Variants in CLASP2 observed in about 807,000 individuals in gnomAD.
The protein encoded by CLASP2 is cytoplasmic linker associated protein 2.
In CLASP2, 47 loss-of-function variants were observed where a neutral mutation model predicts 194.4. The observed-to-expected ratio is 0.24, with a 90% confidence interval of 0.19 to 0.31. The LOEUF (loss-of-function observed/expected upper bound fraction) is 0.31. CLASP2 is among the 10% of genes least tolerant of loss of function. The pLI is 1.00. For synonymous variants in CLASP2, 619 were observed against 633.5 expected (o/e 0.98, Z 0.34); for missense variants, 1,445 against 1,823.6 (o/e 0.79, Z 3.78).
chr3:33,581,276 C>A (rs1266529426), intron 23 of CLASP2, among the ~76,000 whole-genome samples: 1 of 152,056 alleles, frequency 6.6e-6, no homozygotes, highest in Admixed American at 6.5e-5. Context: ...TGGGGACAAA[C>A]AAGTTTTACC....
intron 34 of CLASP2, among the ~76,000 whole-genome samples, chr3:33,522,113 T>C (rs2053288569): frequency 6.6e-6 from 1 of 152,200 alleles, no homozygotes; most frequent in Non-Finnish European, 1.5e-5. Context: ...CAGCCATTAT[T>C]GTTGCACCTT....
intron 27 of CLASP2, among the ~76,000 whole-genome samples, chr3:33,565,672 C>T (rs945591134): frequency 1.3e-5 from 2 of 151,792 alleles, no homozygotes; most frequent in Admixed American, 6.6e-5. Flanking sequence ...TTTAGCTGGG[C>T]GTGGTGGCAC....
chr3:33,703,118 A>G (rs1393027742), intron 1 of CLASP2, among the ~76,000 whole-genome samples: 1 of 152,216 alleles, frequency 6.6e-6, no homozygotes, highest in African/African-American at 2.4e-5. Flanking sequence ...GGGCTTCACT[A>G]AAATTAAAAA....
At chr3:33,575,469 A>G (rs1344572974) in intron 24 of CLASP2, among the ~76,000 whole-genome samples, 1 of 152,156 alleles carries the variant, frequency 6.6e-6, no homozygotes, top group Non-Finnish European at 1.5e-5. Flanking sequence ...AGCTGAGTAA[A>G]TGTTTCTCAA....
rs999075771 is a variant in CLASP2, at chr3:33,607,319, T to G, written c.1526+65A>C. ...TACTTGGACACTTCTGATATTTTCA[T>G]TCTCCTAATACATTTTTTTTTAAAA... On this transcript the variant is annotated intron_variant, in intron 15 of 38. Coordinates refer to ENST00000682230, the MANE Select transcript of CLASP2 (RefSeq NM_001365631.1). 126 of 1,091,710 alleles carry G rather than the reference T, an allele frequency of 1.2e-4. No homozygotes were observed. In the Middle Eastern group the frequency reaches 1.3e-3, roughly 11 times the overall value. The allele number at this position is 1,091,710 out of a possible 1,614,324, so 67.6% of individuals were successfully genotyped here.
At chr3:33,689,752 T>A (rs980310680) in intron 3 of CLASP2, 77 bp downstream of exon 3, 1 of 867,012 alleles carries the variant, frequency 1.2e-6, no homozygotes, top group South Asian at 2.3e-5. Flanking sequence ...AAAATTTCAG[T>A]GTTCATGCTT....
At chr3:33,500,365 C>G (rs751366724) in intron 38 of CLASP2, among the ~76,000 whole-genome samples, 5 of 152,078 alleles carry the variant, frequency 3.3e-5, no homozygotes, top group Admixed American at 3.3e-4. Flanking sequence ...TTTTTTCCAC[C>G]TACCTACTGT....
intron 25 of CLASP2, among the ~76,000 whole-genome samples, chr3:33,572,322 A>G (rs557807843): frequency 2.0e-5 from 3 of 152,360 alleles, no homozygotes; most frequent in South Asian, 4.1e-4. Context: ...ATGACATGTG[A>G]TATGAACACA....
chr3:33,511,873 GT>G (rs1177970313), intron 36 of CLASP2, among the ~76,000 whole-genome samples: 1 of 74,774 alleles, frequency 1.3e-5, no homozygotes, highest in Non-Finnish European at 2.6e-5. Context: ...TCTCACACCA[GT>G]TAGAATGGCA....
intron 7 of CLASP2, 54 bp downstream of exon 7, chr3:33,663,391 C>A: frequency 7.3e-7 from 1 of 1,374,098 alleles, no homozygotes; most frequent in Non-Finnish European, 1.0e-6. Context: ...CATTTTAGTG[C>A]CTAAAACTTT....
intron 2 of CLASP2, among the ~76,000 whole-genome samples, chr3:33,695,346 C>T (rs2154350405): frequency 6.7e-6 from 1 of 149,080 alleles, no homozygotes; most frequent in South Asian, 2.1e-4. Flanking sequence ...CAGGTGTGAG[C>T]CAGTGAGTCC....
chr3:33,552,157 C>T (rs868007618), intron 29 of CLASP2, among the ~76,000 whole-genome samples: 22 of 145,408 alleles, frequency 1.5e-4, no homozygotes, highest in Non-Finnish European at 2.5e-4. Context: ...CTCACCCTGT[C>T]GCCCAGGCTG....
intron 22 of CLASP2, among the ~76,000 whole-genome samples, chr3:33,583,355 A>G (rs1192817043): frequency 1.3e-5 from 2 of 152,202 alleles, no homozygotes; most frequent in South Asian, 2.1e-4. Context: ...ACATAAGTAA[A>G]TAACTGGTAG....
intron 26 of CLASP2, 84 bp from the exon 27 acceptor site, chr3:33,566,818 T>A: frequency 2.4e-6 from 1 of 416,102 alleles, no homozygotes; most frequent in South Asian, 1.8e-5. Context: ...TCGCCATCAA[T>A]GCAAAGTTCC....
intron 7 of CLASP2, among the ~76,000 whole-genome samples, chr3:33,651,382 C>CA (rs11317189): frequency 0.023 from 2,058 of 89,172 alleles, 23 homozygotes; most frequent in African/African-American, 0.027. Flanking sequence ...GATCCTGTCT[C>CA]AAAAAAAAAA....
At chr3:33,530,960 T>C (rs1453978621) in intron 34 of CLASP2, among the ~76,000 whole-genome samples, 2 of 152,170 alleles carry the variant, frequency 1.3e-5, no homozygotes, top group Admixed American at 6.6e-5. Context: ...TGACACTTTT[T>C]ACAGAAATAG....
chr3:33,705,496 T>C (rs1174223551), intron 1 of CLASP2, among the ~76,000 whole-genome samples: 7 of 152,162 alleles, frequency 4.6e-5, no homozygotes, highest in Non-Finnish European at 1.5e-5. Flanking sequence ...AACCTGTAGC[T>C]ATTACAAAAT....
intron 36 of CLASP2, among the ~76,000 whole-genome samples, 160 bp downstream of exon 36, chr3:33,515,863 A>G (rs2051174584): frequency 1.3e-5 from 2 of 152,220 alleles, no homozygotes; most frequent in South Asian, 4.1e-4. Context: ...TGTTTAATTC[A>G]TTTAATAGAA....
chr3:33,652,595 C>G (rs1272806639), intron 7 of CLASP2, among the ~76,000 whole-genome samples: 2 of 152,178 alleles, frequency 1.3e-5, no homozygotes, highest in African/African-American at 4.8e-5. Flanking sequence ...TGACCTCATT[C>G]ATTCTCAACG....
Sources: gnomAD v4.1 joint callset for allele counts (sites outside exome capture counted in the v4.1 genomes callset) on GRCh38, gnomAD v4.1.1 for gene constraint, MANE v1.5 for transcripts, NCBI Gene and HGNC (gene_info 2026-07-23, HGNC 2026-07-21) for gene names.